Variants in BBS7 observed in about 807,000 individuals in gnomAD.
The protein encoded by BBS7 is Bardet-Biedl syndrome 7.
BBS7 carries 50 observed loss-of-function variants against 90.3 expected under a neutral mutation model. The ratio of observed to expected loss-of-function variants is 0.55; its 90% confidence interval spans 0.44 to 0.70. BBS7 has a LOEUF of 0.70. BBS7 is among the 30% of genes least tolerant of loss of function. The pLI is 0.00. For synonymous variants in BBS7, 235 were observed against 287.4 expected, an observed-to-expected ratio of 0.82 and a Z score of 1.85; for missense variants, 729 against 838.9, an observed-to-expected ratio of 0.87 and a Z score of 1.62.
chr4:121,863,840 T>C (rs1727114942), intron 2 of BBS7, among the ~76,000 whole-genome samples: 1 of 152,236 alleles, frequency 6.6e-6, no homozygotes, highest in Admixed American at 6.5e-5. Context: ...TACCAACATG[T>C]AGACAATGAA....
At chr4:121,860,603 T>C (rs1726921336) in intron 4 of BBS7, among the ~76,000 whole-genome samples, 1 of 152,182 alleles carries the variant, frequency 6.6e-6, no homozygotes, top group African/African-American at 2.4e-5. Flanking sequence ...CACATTACTT[T>C]CAGTATTCCA....
chr4:121,851,316 T>C (rs1303583133), intron 8 of BBS7, among the ~76,000 whole-genome samples: 4 of 147,666 alleles, frequency 2.7e-5, no homozygotes, highest in Admixed American at 7.0e-5. Context: ...TATGTACTTA[T>C]ATAAAAAAAT....
intron 2 of BBS7, among the ~76,000 whole-genome samples, chr4:121,863,523 C>A (rs981670879): frequency 6.6e-6 from 1 of 152,056 alleles, no homozygotes; most frequent in African/African-American, 2.4e-5. Context: ...TAGGACAACA[C>A]AATATATTTT....
chr4:121,826,011 A>T lies in BBS7; in HGVS notation c.2015-18T>A. The T allele has an allele frequency of 6.4e-7, 1 of 1,571,040 alleles. No homozygotes were observed. ...GATCATGCCTTTAAAGAAAAAACAT[A>T]AATTTCCTGTCAGTGATTAGTTATA... On this transcript the variant is annotated intron_variant, in intron 18 of 18. Transcript: ENST00000264499.
At chr4:121,851,720 C>G (rs1726330639) in intron 8 of BBS7, among the ~76,000 whole-genome samples, 2 of 152,198 alleles carry the variant, frequency 1.3e-5, no homozygotes, top group Non-Finnish European at 2.9e-5. Flanking sequence ...AATCAACCAT[C>G]TACCAGTCCA....
intron 13 of BBS7, among the ~76,000 whole-genome samples, chr4:121,838,704 C>T (rs1176484846): frequency 4.0e-5 from 6 of 151,254 alleles, no homozygotes; most frequent in Admixed American, 6.6e-5. Context: ...GCCTGGCCAA[C>T]GTGGCAAAAC....
intron 1 of BBS7, among the ~76,000 whole-genome samples, chr4:121,869,988 G>A (rs1727496799): frequency 1.3e-5 from 2 of 152,206 alleles, no homozygotes; most frequent in South Asian, 4.1e-4. Flanking sequence ...GGAGGAGAAG[G>A]GCCCTGGGGG....
chr4:121,835,054 G>T, intron 14 of BBS7, 90 bp downstream of exon 14: 2 of 1,313,624 alleles, frequency 1.5e-6, no homozygotes, highest in African/African-American at 1.5e-5. Context: ...AGTAGAAATT[G>T]CTAACAGAAT....
In BBS7 at chr4:121,848,464, A is replaced by C. The variant is rs141869830; in HGVS notation, c.934+380T>G. Among the ~76,000 whole-genome samples the C allele has an allele frequency of 4.1e-3, 631 of 152,340 alleles. 10 individuals carry two copies. Among genetic ancestry groups the C allele is most frequent in the African/African-American group, 0.014 (592 of 41,588 alleles). ...TAGAAGCCAAATCAGTTATCAGATC[A>C]ACTGTTGTAGTATCACAGTGCTTAT... On this transcript the variant is annotated intron_variant, in intron 9 of 18. Transcript: ENST00000264499.
In BBS7 at chr4:121,838,756, G is replaced by A. The variant is rs36037818; in HGVS notation, c.1371+875C>T. On this transcript the variant is annotated intron_variant, in intron 13 of 18. Coordinates refer to ENST00000264499, the MANE Select transcript of BBS7 (RefSeq NM_176824.3). ...AAAAAAGTACAAAAATTAGCCAGGT[G>A]TGGTGGTGGGCACCTGTAATCCCAG... Among the ~76,000 whole-genome samples the A allele has an allele frequency of 5.7e-3, 861 of 151,798 alleles. 16 individuals carry two copies. Among genetic ancestry groups the A allele is most frequent in the African/African-American group, 0.019 (788 of 41,440 alleles).
Position 121,845,575 on chromosome 4 carries a change from G to A in BBS7, c.1159C>T (p.Leu387=). 1 of 1,612,850 alleles carries A rather than the reference G, an allele frequency of 6.2e-7. No individual in the cohort carries two copies. Among genetic ancestry groups the A allele is most frequent in the Non-Finnish European group, 8.5e-7 (1 of 1,179,296 alleles). ...PSFGINDKFT[L]NKDDASYSLI... Reference sequence around the variant, plus strand: ...CTGTAACTGGCATCATCTTTATTTAGTGTAAATTTATCATTTATACCAAAG... The same window carrying A: ...CTGTAACTGGCATCATCTTTATTTAATGTAAATTTATCATTTATACCAAAG... The change falls in exon 11 of 19, where the codon CTA becomes TTA. Residue 387 remains leucine, a synonymous_variant. Coordinates refer to ENST00000264499, the MANE Select transcript of BBS7 (RefSeq NM_176824.3).
rs1267679669 is a variant in BBS7, at chr4:121,825,106, T to C, written c.*754A>G. The C allele has an allele frequency of 6.7e-6, 1 of 149,100 alleles. No individual in the cohort carries two copies. The highest frequency in any genetic ancestry group is 1.5e-5 in the Non-Finnish European group (1 of 66,864). The allele number at this position is 149,100 out of a possible 1,614,324, so 9.2% of individuals were successfully genotyped here. Reference sequence around the variant, plus strand: ...CTTGAAGCACGCTGAATAGCTCCACTGGTTACAGCATGTCTAATTAAGATC... The same window carrying C: ...CTTGAAGCACGCTGAATAGCTCCACCGGTTACAGCATGTCTAATTAAGATC... On this transcript the variant is annotated 3_prime_UTR_variant, in exon 19 of 19. Coordinates refer to ENST00000264499, the MANE Select transcript of BBS7 (RefSeq NM_176824.3).
At chr4:121,865,580 G>A (rs1350774769) in intron 2 of BBS7, among the ~76,000 whole-genome samples, 1 of 152,086 alleles carries the variant, frequency 6.6e-6, no homozygotes, top group East Asian at 1.9e-4. Flanking sequence ...ATTCCATTGT[G>A]TATATATACC....
chr4:121,852,807 T>C lies in BBS7; in HGVS notation c.849+149A>G, dbSNP rs988987915. 1.2e-5 allele frequency: 9 copies of C among 779,518 alleles called. No homozygotes were observed. The African/African-American group carries it at 1.4e-4, about 12-fold the overall frequency. The allele number at this position is 779,518 out of a possible 1,614,324, so 48.3% of individuals were successfully genotyped here. A position where few individuals can be genotyped will look rare whatever the true frequency, so the allele number is the denominator to read the frequency against. On this transcript the variant is annotated intron_variant, in intron 8 of 18. Coordinates refer to ENST00000264499, the MANE Select transcript of BBS7 (RefSeq NM_176824.3). ...CTATTATTCAAACACAAGAGAAGTC[T>C]AGAGAAGATTCTGATAACATCAAAA...
At position 121,861,659 on chromosome 4, in the gene BBS7, G is replaced by C; in HGVS notation, c.186C>G (p.Pro62=). 3.7e-6 allele frequency: 6 copies of C among 1,613,082 alleles called. No individual in the cohort carries two copies. The highest frequency in any genetic ancestry group is 5.1e-6 in the Non-Finnish European group (6 of 1,179,586). Residue 62 remains proline, a synonymous_variant, in exon 4 of 19, where the codon CCC becomes CCG. Coordinates refer to ENST00000264499, the MANE Select transcript of BBS7 (RefSeq NM_176824.3). ...GEAAAVFKTL[P]GPKIARLELG... is the part of the protein sequence containing the mutation. ...GTTCCAGCCTTGCAATCTTCGGCCC[G>C]GGTAAAGTCTTGAACACTGCCTGAA... is the stretch of plus-strand genomic sequence containing the variant.
At chr4:121,850,217 A>G (rs1206234990) in intron 8 of BBS7, among the ~76,000 whole-genome samples, 3 of 151,562 alleles carry the variant, frequency 2.0e-5, no homozygotes, top group Non-Finnish European at 2.9e-5. Context: ...CCAGGCTGGA[A>G]TGCAGTGCAT....
chr4:121,829,180 T>C (rs947387696), intron 15 of BBS7, among the ~76,000 whole-genome samples: 1 of 152,160 alleles, frequency 6.6e-6, no homozygotes, highest in East Asian at 1.9e-4. Flanking sequence ...TGACATCTGC[T>C]GTTTTTCATG....
At position 121,848,914 on chromosome 4, in the gene BBS7, G is replaced by A. The variant is rs142376157; in HGVS notation, c.864C>T (p.Ser288=). 6.8e-5 allele frequency: 109 copies of A among 1,613,520 alleles called. No individual in the cohort carries two copies. The highest frequency in any genetic ancestry group is 1.1e-4 in the East Asian group (5 of 44,866). The change falls in exon 9 of 19, where the codon AGC becomes AGT. Residue 288 remains serine, a synonymous_variant. Coordinates refer to ENST00000264499, the MANE Select transcript of BBS7 (RefSeq NM_176824.3). The part of the protein sequence containing the change: ...VLRFDQMLSE[S]VTSIQGGCVG... Reference sequence around the variant, plus strand: ...CACAACCACCCTGGATAGATGTGACGCTTTCAGACAACATCTAAAAAAGTT... The same window carrying A: ...CACAACCACCCTGGATAGATGTGACACTTTCAGACAACATCTAAAAAAGTT...
chr4:121,855,070 TG>T (rs1454405674), intron 6 of BBS7, among the ~76,000 whole-genome samples: 11 of 152,100 alleles, frequency 7.2e-5, no homozygotes, highest in Non-Finnish European at 1.6e-4. Flanking sequence ...CCCAGCACTT[TG>T]GGAGACTGAG....
Sources: gnomAD v4.1 joint callset for allele counts (sites outside exome capture counted in the v4.1 genomes callset) on GRCh38, gnomAD v4.1.1 for gene constraint, MANE v1.5 for transcripts, NCBI Gene and HGNC (gene_info 2026-07-23, HGNC 2026-07-21) for gene names.